Variants in CUL4A observed in about 807,000 individuals in gnomAD.
CUL4A encodes cullin 4A.
CUL4A carries 16 observed loss-of-function variants against 95.5 expected under a neutral mutation model. The ratio of observed to expected loss-of-function variants is 0.17; its 90% CI spans 0.11 to 0.25. The LOEUF (loss-of-function observed/expected upper bound fraction) is 0.25. CUL4A is among the 10% of genes least tolerant of loss of function. The probability of loss-of-function intolerance (pLI) is 1.00; values close to 1 mark genes in which losing one functional copy is unlikely to be tolerated. For synonymous variants in CUL4A, 380 were observed against 353.1 expected (o/e 1.08, Z -0.85); for missense variants, 610 against 937.0 (o/e 0.65, Z 4.56).
chr13:113,246,825 G>T (rs750963075), intron 15 of CUL4A, among the ~76,000 whole-genome samples: 29 of 152,174 alleles, frequency 1.9e-4, no homozygotes, highest in Non-Finnish European at 3.7e-4. Context: ...CAGAAATGAA[G>T]ACCAAAGACC....
intron 3 of CUL4A, among the ~76,000 whole-genome samples, chr13:113,226,565 C>G (rs1290774726): frequency 3.3e-5 from 5 of 152,122 alleles, no homozygotes; most frequent in African/African-American, 1.2e-4. Context: ...CTCTAGGAGC[C>G]CATATTCTGG....
At chr13:113,258,442 A>G (rs1385153985) in intron 18 of CUL4A, among the ~76,000 whole-genome samples, 1 of 152,240 alleles carries the variant, frequency 6.6e-6, no homozygotes, top group Admixed American at 6.5e-5. Flanking sequence ...TCTTTATCAT[A>G]TTAAATCTTG....
At chr13:113,238,081 T>A (rs995402855) in intron 9 of CUL4A, among the ~76,000 whole-genome samples, 1 of 152,100 alleles carries the variant, frequency 6.6e-6, no homozygotes, top group African/African-American at 2.4e-5. Context: ...ACATCACCTA[T>A]CCACCTAAAA....
At chr13:113,209,462 C>T, upstream of CUL4A, 1 of 214,354 alleles carries the variant, frequency 4.7e-6, no homozygotes, top group Non-Finnish European at 8.0e-6. Flanking sequence ...CGTTCCTAAG[C>T]CCTCAGGAGT....
At chr13:113,224,122 G>A (rs1213891198) in intron 3 of CUL4A, among the ~76,000 whole-genome samples, 1 of 152,120 alleles carries the variant, frequency 6.6e-6, no homozygotes, top group Non-Finnish European at 1.5e-5. Flanking sequence ...GGAGGCCAAG[G>A]TGGGCGGATC....
At chr13:113,247,080 C>T (rs561794951) in intron 15 of CUL4A, among the ~76,000 whole-genome samples, 9 of 152,078 alleles carry the variant, frequency 5.9e-5, no homozygotes, top group South Asian at 2.1e-4. Flanking sequence ...GGGGAGTAGG[C>T]GAGAGAGAGG....
At position 113,209,980 on chromosome 13, in the gene CUL4A, T is replaced by C. The variant is rs76913021; in HGVS notation, c.156T>C (p.Pro52=). The change falls in exon 2 of 20, where the codon CCT becomes CCC. Residue 52 remains proline, a synonymous_variant. Transcript: ENST00000375440. ...TCTCCCTCCGCCCTGCAGACAGACC[T>C]CGGCTGCCCGACAACTACACGCAGG... ...KLVIKNFRDR[P]RLPDNYTQDT... is the part of the protein sequence containing the mutation. 3.0e-3 allele frequency: 4,513 copies of C among 1,510,602 alleles called. 92 individuals carry two copies. The African/African-American group carries it at 0.049, about 16-fold the overall frequency. 93.6% of individuals were successfully genotyped at this position (1,510,602 alleles called of 1,614,324 possible).
At position 113,234,004 on chromosome 13, in the gene CUL4A, T is replaced by A; in HGVS notation, c.765+18T>A. 1 of 1,528,644 alleles carries A rather than the reference T, an allele frequency of 6.5e-7. No homozygotes were observed. The highest frequency in any genetic ancestry group is 1.4e-5 in the African/African-American group (1 of 72,760). The allele number at this position is 1,528,644 out of a possible 1,614,324, so 94.7% of individuals were successfully genotyped here. ...AAAGAGAGGTGAGATGATGGGATGT[T>A]TCCGAATCCCCTGGCTTCGTTTCTG... On this transcript the variant is annotated intron_variant, in intron 7 of 19. Coordinates refer to ENST00000375440, the MANE Select transcript of CUL4A (RefSeq NM_001008895.4).
intron 14 of CUL4A, 53 bp downstream of exon 14, chr13:113,245,290 G>A: frequency 2.7e-6 from 4 of 1,493,016 alleles, no homozygotes; most frequent in Admixed American, 3.4e-5. Flanking sequence ...CTGTTAGTGT[G>A]GTGGCTCATG....
chr13:113,254,484 A>G (rs1224657433), intron 16 of CUL4A, among the ~76,000 whole-genome samples: 1 of 151,906 alleles, frequency 6.6e-6, no homozygotes, highest in Middle Eastern at 3.2e-3. Flanking sequence ...AGTCCCAGCT[A>G]CTCGGGAGGC....
chr13:113,228,831 C>T (rs1386218261), intron 4 of CUL4A, among the ~76,000 whole-genome samples: 1 of 151,926 alleles, frequency 6.6e-6, no homozygotes, highest in African/African-American at 2.4e-5. Context: ...AAAAAATGAC[C>T]AAATTTAGGC....
rs377726074 is a variant in CUL4A, at chr13:113,252,692, C to T, written c.1639-390C>T. 5.9e-5 allele frequency among the ~76,000 whole-genome samples: 9 copies of T among 152,216 alleles called. No homozygotes were observed. In the East Asian group the frequency reaches 1.2e-3, roughly 20 times the overall value. ...TTCACAGATGAGGAAGCAGGAGCCC[C>T]GCTCATTGCCGGGAACACCAGCCGA... On this transcript the variant is annotated intron_variant, in intron 15 of 19. Transcript: ENST00000375440.
At position 113,209,613 on chromosome 13, in the gene CUL4A, G is replaced by A. The variant is rs2040268194; in HGVS notation, c.-15G>A. The A allele has an allele frequency of 4.8e-6, 5 of 1,037,514 alleles. No homozygotes were observed. Among genetic ancestry groups the A allele is most frequent in the Non-Finnish European group, 4.6e-6 (4 of 865,910 alleles). 64.3% of individuals were successfully genotyped at this position (1,037,514 alleles called of 1,614,324 possible). ...GGCGGCGCTCGGGGCGGGGCGCGGC[G>A]GTTCCGGCCCAGCCATGGCGGACGA... On this transcript the variant is annotated 5_prime_UTR_variant, in exon 1 of 20. Transcript: ENST00000375440.
At chr13:113,242,914 T>TA in intron 10 of CUL4A, 54 bp from the exon 11 acceptor site, 1 of 1,361,858 alleles carries the variant, frequency 7.3e-7, no homozygotes, top group South Asian at 1.3e-5. Flanking sequence ...CAGGAGAAGA[T>TA]ACTGTTTGCT....
In CUL4A at chr13:113,225,062, ATAGG is replaced by A. The variant is rs553697129; in HGVS notation, c.369-2908_369-2905del. 8.9e-4 allele frequency among the ~76,000 whole-genome samples: 135 copies of A among 151,880 alleles called. 1 individual carries two copies. Among genetic ancestry groups the A allele is most frequent in the African/African-American group, 3.1e-3 (129 of 41,362 alleles). On this transcript the variant is annotated intron_variant, in intron 3 of 19. Coordinates refer to ENST00000375440, the MANE Select transcript of CUL4A (RefSeq NM_001008895.4). The stretch of plus-strand genomic sequence containing the variant: ...CTTTTTTTTTTTAGTTACAGATATG[ATAGG>A]TAGGTTTTTTTCTATGGTGTAAGCA...
upstream of CUL4A, chr13:113,209,595 C>T: frequency 4.0e-6 from 4 of 995,300 alleles, no homozygotes; most frequent in Non-Finnish European, 4.8e-6. Flanking sequence ...GGCGGCGGCG[C>T]TCGGGGCGGG....
intron 3 of CUL4A, among the ~76,000 whole-genome samples, chr13:113,221,071 C>T (rs1360625119): frequency 6.7e-6 from 1 of 149,958 alleles, no homozygotes; most frequent in African/African-American, 2.4e-5. Flanking sequence ...AGGAGACCCT[C>T]CTGAAGGGAT....
At chr13:113,257,267 T>G (rs4907490) in intron 18 of CUL4A, among the ~76,000 whole-genome samples, 146,945 of 151,462 alleles carry the variant, frequency 0.97, 71,418 homozygotes, top group East Asian at 1. Flanking sequence ...TTTTTATTGG[T>G]TTTTTTTTCA....
At chr13:113,233,425 A>G (rs2041429348) in intron 6 of CUL4A, 86 bp downstream of exon 6, 3 of 1,303,894 alleles carry the variant, frequency 2.3e-6, no homozygotes, top group South Asian at 1.4e-5. Context: ...ATGTTAAACA[A>G]TGAAATCATA....
Sources: allele counts gnomAD v4.1 joint callset (sites outside exome capture counted in the v4.1 genomes callset), GRCh38; gene constraint gnomAD v4.1.1; transcripts MANE v1.5; gene names NCBI Gene and HGNC (gene_info 2026-07-23, HGNC 2026-07-21).